The following PPP6R2 variants were observed in gnomAD, a reference collection of about 807,000 sequenced individuals.
The protein encoded by PPP6R2 is protein phosphatase 6 regulatory subunit 2.
PPP6R2 carries 62 observed loss-of-function variants against 100.2 expected under a neutral mutation model. The ratio of observed to expected loss-of-function variants is 0.62; its 90% CI spans 0.50 to 0.76. The LOEUF (loss-of-function observed/expected upper bound fraction) is 0.76. Among genes scored for constraint, PPP6R2 ranks in the 30% least tolerant of loss-of-function variants. The pLI, the probability that PPP6R2 is intolerant of heterozygous loss-of-function variation, is 0.00. For missense variants in PPP6R2, 1,142 were observed against 1,276.3 expected (o/e 0.89, Z 1.60); for synonymous variants, 525 against 514.7 (o/e 1.02, Z -0.27).
At chr22:50,397,616 CA>C (rs377322589) in intron 3 of PPP6R2, among the ~76,000 whole-genome samples, 232 of 84,988 alleles carry the variant, frequency 2.7e-3, no homozygotes, top group African/African-American at 3.1e-3. Context: ...GGGATGGGGG[CA>C]GGGGGGCCTG....
chr22:50,436,862 C>T, intron 14 of PPP6R2, 126 bp from the exon 15 acceptor site: 1 of 777,574 alleles, frequency 1.3e-6, no homozygotes, highest in Non-Finnish European at 2.2e-6. Flanking sequence ...GCCCAGAGAT[C>T]TGATGAGTGA....
chr22:50,416,880 C>G (rs2060617644), intron 6 of PPP6R2, among the ~76,000 whole-genome samples: 1 of 151,416 alleles, frequency 6.6e-6, no homozygotes, highest in Admixed American at 6.6e-5. Context: ...CACTTGAACC[C>G]AGGAAGGGGA....
At chr22:50,443,068 G>C (rs956566658) in intron 22 of PPP6R2, 1 of 152,046 alleles carries the variant, frequency 6.6e-6, no homozygotes, top group Non-Finnish European at 1.5e-5. Flanking sequence ...GGGAGGCTGA[G>C]GCAGGAGAAT....
At chr22:50,342,584 G>A (rs2042527262), upstream of PPP6R2, among the ~76,000 whole-genome samples, 1 of 152,246 alleles carries the variant, frequency 6.6e-6, no homozygotes, top group Non-Finnish European at 1.5e-5. Context: ...TGAATCCTGG[G>A]CAATACACTG....
intron 1 of PPP6R2, among the ~76,000 whole-genome samples, chr22:50,368,675 C>T (rs181186455): frequency 6.6e-6 from 1 of 152,134 alleles, no homozygotes; most frequent in African/African-American, 2.4e-5. Flanking sequence ...GCTTGCCGCC[C>T]ACAATACAAG....
At chr22:50,331,913 TC>T in the PPP6R2 span, among the ~76,000 whole-genome samples, 1 of 151,830 alleles carries the variant, frequency 6.6e-6, no homozygotes, top group African/African-American at 2.4e-5. Flanking sequence ...AGCCATTGCA[TC>T]CGGCCCTATT....
intron 3 of PPP6R2, among the ~76,000 whole-genome samples, chr22:50,406,105 G>A (rs2058890010): frequency 7.1e-6 from 1 of 141,838 alleles, no homozygotes; most frequent in African/African-American, 2.7e-5. Context: ...CTGGAGGGAG[G>A]TGAGAGACCT....
intron 2 of PPP6R2, among the ~76,000 whole-genome samples, chr22:50,375,200 T>A (rs1270914136): frequency 1.3e-5 from 2 of 152,108 alleles, no homozygotes; most frequent in Non-Finnish European, 2.9e-5. Context: ...TTTCTGAGAA[T>A]GTTAGGCTAG....
Position 50,398,502 on chromosome 22 carries a change from A to AT in PPP6R2, c.227+4367_227+4368insT, listed in dbSNP as rs1048565397. ...TCTCTATTTCTTTATTTAAAAAAAAAAACATATTAAGACTTTTTTTTTTTT... is the reference window on the plus strand; with the variant it reads ...TCTCTATTTCTTTATTTAAAAAAAAATAACATATTAAGACTTTTTTTTTTTT... On this transcript the variant is annotated intron_variant, in intron 3 of 23. Coordinates refer to ENST00000612753, the MANE Select transcript of PPP6R2 (RefSeq NM_001242898.2). 1.8e-4 allele frequency among the ~76,000 whole-genome samples: 27 copies of AT among 149,572 alleles called. No individual in the cohort carries two copies. In the South Asian group the frequency reaches 2.3e-3, roughly 13 times the overall value.
upstream of PPP6R2, among the ~76,000 whole-genome samples, chr22:50,339,824 A>C: frequency 6.3e-5 from 1 of 15,792 alleles, no homozygotes; most frequent in African/African-American, 4.1e-4. Context: ...TGTGTGGGGT[A>C]TGTAGTGTGT....
intron 2 of PPP6R2, among the ~76,000 whole-genome samples, chr22:50,387,882 T>G (rs182894379): frequency 3.9e-5 from 6 of 152,302 alleles, no homozygotes; most frequent in Admixed American, 2.0e-4. Flanking sequence ...TGGAATAACT[T>G]AGTAATCCTC....
In PPP6R2 at chr22:50,444,051, G is replaced by A. The variant is rs752517704; in HGVS notation, c.2765G>A (p.Gly922Glu). The A allele has an allele frequency of 5.0e-6, 8 of 1,612,928 alleles. No homozygotes were observed. Among genetic ancestry groups the A allele is most frequent in the African/African-American group, 2.7e-5 (2 of 74,930 alleles). Residue 922 changes from glycine (G) to glutamate (E), a missense_variant, in exon 23 of 24, where the codon GGG (glycine) becomes GAG (glutamate). Physicochemically the swap from Gly to Glu is moderately conservative, Grantham distance 98. This residue lies in a region of PPP6R2 where 550 missense variants were observed against 517.4 expected (regional missense o/e 1.06). Transcript: ENST00000612753. ...GCACTGGCCGTGGCGGTCCCCCTAGGGCCCATCATGGCAGTCACAGCAGCC... is the reference window on the plus strand; with the variant it reads ...GCACTGGCCGTGGCGGTCCCCCTAGAGCCCATCATGGCAGTCACAGCAGCC... ...SSALAVAVPL[G>E]PIMAVTAAPA... is the part of the protein sequence containing the mutation.
rs2061606483 is a variant in PPP6R2 at position 50,423,566 on chromosome 22, C to T, written c.1077C>T (p.Pro359=). 1.2e-6 allele frequency: 2 copies of T among 1,614,082 alleles called. No homozygotes were observed. The highest frequency in any genetic ancestry group is 1.7e-6 in the Non-Finnish European group (2 of 1,180,048). ...LMAALLHTNT[P]SINQELCRLN... is the part of the protein sequence containing the mutation. ...CAGCACTGCTGCACACAAACACACC[C>T]AGCATCAACCAGGAGCTCTGCCGGC... Residue 359 remains proline, a synonymous_variant, in exon 10 of 24, where the codon CCC becomes CCT. Coordinates refer to ENST00000612753, the MANE Select transcript of PPP6R2 (RefSeq NM_001242898.2). The surrounding 1 kb of genome is among the most constrained non-coding windows in gnomAD (Gnocchi z 4.8).
chr22:50,424,739 G>C (rs2061855166), intron 10 of PPP6R2, among the ~76,000 whole-genome samples: 1 of 142,430 alleles, frequency 7.0e-6, no homozygotes, highest in Non-Finnish European at 1.5e-5. Context: ...CCTGGTTCAA[G>C]CGATTTTCCT....
chr22:50,405,526 G>A (rs2058737101), intron 3 of PPP6R2, among the ~76,000 whole-genome samples: 1 of 140,892 alleles, frequency 7.1e-6, no homozygotes, highest in Non-Finnish European at 1.5e-5. Flanking sequence ...GAGGTGAGAG[G>A]CCTGGAGAGA....
intron 10 of PPP6R2, among the ~76,000 whole-genome samples, chr22:50,429,972 G>A (rs1342128694): frequency 2.6e-5 from 4 of 152,222 alleles, no homozygotes; most frequent in African/African-American, 9.6e-5. Flanking sequence ...GGAACGAGGA[G>A]CCCAAGCTCG....
Position 50,440,062 on chromosome 22 carries a change from A to G in PPP6R2, c.2374+13A>G. On this transcript the variant is annotated intron_variant, in intron 21 of 23. Coordinates refer to ENST00000612753, the MANE Select transcript of PPP6R2 (RefSeq NM_001242898.2). Reference sequence around the variant, plus strand: ...CCTGAGAAAGCCTGTGAGTAGGAGCAGTGCAGGCGGCACCCAGCCTTGCCC... The same window carrying G: ...CCTGAGAAAGCCTGTGAGTAGGAGCGGTGCAGGCGGCACCCAGCCTTGCCC... The G allele has an allele frequency of 6.2e-7, 1 of 1,605,162 alleles. No homozygotes were observed. Among genetic ancestry groups the G allele is most frequent in the Non-Finnish European group, 8.5e-7 (1 of 1,174,018 alleles).
At chr22:50,413,939 T>A (rs1172797612) in intron 4 of PPP6R2, among the ~76,000 whole-genome samples, 1 of 152,198 alleles carries the variant, frequency 6.6e-6, no homozygotes, top group Non-Finnish European at 1.5e-5. Context: ...GGATCCGCCG[T>A]CTGAGCAGCC....
chr22:50,339,541 GTGTGGT>G (rs2042345216), upstream of PPP6R2, among the ~76,000 whole-genome samples: 1 of 141,742 alleles, frequency 7.1e-6, no homozygotes. Context: ...TGTGGTGTGT[GTGTGGT>G]GTGTGTGTGG....
Sources: allele counts gnomAD v4.1 joint callset (sites outside exome capture counted in the v4.1 genomes callset), GRCh38; gene constraint gnomAD v4.1.1; regional missense constraint gnomAD v4.1.1; non-coding constraint Gnocchi (gnomAD v3.1); transcripts MANE v1.5; gene names NCBI Gene and HGNC (gene_info 2026-07-23, HGNC 2026-07-21).